TSHR: variants seen among roughly 807,000 people sequenced by gnomAD.
TSHR encodes thyrotropin receptor.
Under a neutral mutation model 64.1 loss-of-function variants are expected in TSHR, and 51 were observed. The ratio of observed to expected loss-of-function variants is 0.80; its 90% CI spans 0.64 to 1.01. The LOEUF is 1.01. TSHR is among the 50% of genes least tolerant of loss of function. TSHR has a pLI of 0.00. For synonymous variants in TSHR, 361 were observed against 361.9 expected, an observed-to-expected ratio of 1.00 and a Z score of 0.03; for missense variants, 877 against 942.8, an observed-to-expected ratio of 0.93 and a Z score of 0.91.
chr14:81,091,188 C>G, intron 5 of TSHR, 45 bp downstream of exon 5: 4 of 1,500,686 alleles, frequency 2.7e-6, no homozygotes, highest in Non-Finnish European at 3.7e-6. Context: ...TTGTTTGTCA[C>G]TGACAAGAAC....
chr14:80,965,642 G>C (rs1887260663), intron 1 of TSHR, among the ~76,000 whole-genome samples: 1 of 152,092 alleles, frequency 6.6e-6, no homozygotes, highest in African/African-American at 2.4e-5. Context: ...AATAGCATTT[G>C]AAAATTTTAA....
chr14:81,044,858 A>G (rs538792766), intron 1 of TSHR, among the ~76,000 whole-genome samples: 4 of 152,202 alleles, frequency 2.6e-5, no homozygotes, highest in Admixed American at 6.5e-5. Context: ...TCAACAATGT[A>G]GAGGCAGAAA....
intron 1 of TSHR, among the ~76,000 whole-genome samples, chr14:80,974,569 A>G (rs993237965): frequency 2.6e-5 from 4 of 152,174 alleles, no homozygotes; most frequent in Non-Finnish European, 5.9e-5. Flanking sequence ...TGGAATCTAA[A>G]ACAACAAAGC....
At chr14:81,136,252 TA>T (rs1409241890) in intron 8 of TSHR, among the ~76,000 whole-genome samples, 2 of 152,188 alleles carry the variant, frequency 1.3e-5, no homozygotes, top group Non-Finnish European at 2.9e-5. Flanking sequence ...TGAAAAAGAA[TA>T]AAAGTGGACA....
chr14:80,977,781 G>A (rs1470145492), intron 1 of TSHR, among the ~76,000 whole-genome samples: 3 of 152,198 alleles, frequency 2.0e-5, no homozygotes, highest in Non-Finnish European at 2.9e-5. Context: ...ATACATGGGC[G>A]AAGCAATCTT....
intron 9 of TSHR, among the ~76,000 whole-genome samples, chr14:81,140,923 C>A (rs757190137): frequency 6.6e-6 from 1 of 152,132 alleles, no homozygotes; most frequent in African/African-American, 2.4e-5. Flanking sequence ...AGTTCGAGAC[C>A]GGCCAGGCCA....
In TSHR at chr14:81,145,337, T is replaced by C; in HGVS notation, c.*984T>C. ...CTAAGTAAGTAGAATCTGTTTTTCC[T>C]ATTTTGTAGGGCTGCTGACTCCTAG... On this transcript the variant is annotated 3_prime_UTR_variant, in exon 10 of 10. Coordinates refer to ENST00000298171, the MANE Select transcript of TSHR (RefSeq NM_000369.5). 4.3e-6 allele frequency: 1 copy of C among 233,220 alleles called. No homozygotes were observed. The highest frequency in any genetic ancestry group is 8.5e-6 in the Non-Finnish European group (1 of 118,018). The allele number at this position is 233,220 out of a possible 1,614,324, so 14.4% of individuals were successfully genotyped here. A position where few individuals can be genotyped will look rare whatever the true frequency, so the allele number is the denominator to read the frequency against.
rs116607842 is a variant in TSHR, at chr14:81,060,206, C to T, written c.171-1942C>T. 2.1e-3 allele frequency among the ~76,000 whole-genome samples: 321 copies of T among 152,246 alleles called. 3 individuals are homozygous for T. Among genetic ancestry groups the T allele is most frequent in the African/African-American group, 7.5e-3 (311 of 41,572 alleles). On this transcript the variant is annotated intron_variant, in intron 1 of 9. Transcript: ENST00000298171. ...GTATGCCCACAAAATGTTTGCCTTA[C>T]GACAGCTCTATGAGTAAGACTATCT... is the stretch of plus-strand genomic sequence containing the variant.
At chr14:81,133,057 T>A (rs72627198) in intron 8 of TSHR, among the ~76,000 whole-genome samples, 9,335 of 152,236 alleles carry the variant, frequency 0.061, 736 homozygotes, top group East Asian at 0.24. Flanking sequence ...AACTCCAGAA[T>A]TGGGAGACTA....
chr14:81,057,255 A>G (rs928780095), intron 1 of TSHR, among the ~76,000 whole-genome samples: 1 of 152,106 alleles, frequency 6.6e-6, no homozygotes, highest in Non-Finnish European at 1.5e-5. Context: ...TACTGAAAAA[A>G]CAAAAATTAG....
intron 1 of TSHR, among the ~76,000 whole-genome samples, chr14:81,042,406 T>C (rs1884965418): frequency 6.6e-6 from 1 of 151,946 alleles, no homozygotes; most frequent in Non-Finnish European, 1.5e-5. Context: ...CATCAAGAGA[T>C]GAATAAAGAA....
Position 81,144,228 on chromosome 14 carries a change from G to T in TSHR, c.2170G>T (p.Val724Phe), listed in dbSNP as rs765569628. 10 of 1,613,388 alleles carry T rather than the reference G, an allele frequency of 6.2e-6. No homozygotes were observed. The highest frequency in any genetic ancestry group is 1.6e-4 in the Middle Eastern group (1 of 6,062). The change falls in exon 10 of 10, where the codon GTT (valine) becomes TTT (phenylalanine). Residue 724 changes from valine to phenylalanine, a missense_variant. Val to Phe is a conservative substitution (Grantham distance 50, BLOSUM62 -1). Coordinates refer to ENST00000298171, the MANE Select transcript of TSHR (RefSeq NM_000369.5). ...CAGCACTGATATTCAGGTTCAAAAG[G>T]TTACCCACGAGATGAGGCAGGGTCT... ...KNSTDIQVQKVTHEMRQGLHN... is the reference protein window; with the variant it reads ...KNSTDIQVQKFTHEMRQGLHN...
chr14:80,959,150 C>G (rs1886879705), intron 1 of TSHR, among the ~76,000 whole-genome samples: 1 of 152,052 alleles, frequency 6.6e-6, no homozygotes, highest in Non-Finnish European at 1.5e-5. Flanking sequence ...GATGCTGTAT[C>G]TTTTCCTCAC....
intron 1 of TSHR, among the ~76,000 whole-genome samples, chr14:80,983,808 G>A (rs1229003656): frequency 6.6e-6 from 1 of 152,090 alleles, no homozygotes; most frequent in East Asian, 1.9e-4. Context: ...CTATTTTGGG[G>A]GTATCAGATG....
intron 7 of TSHR, chr14:81,107,117 C>T (rs760094542): frequency 6.6e-6 from 1 of 152,104 alleles, no homozygotes; most frequent in Non-Finnish European, 1.5e-5. Flanking sequence ...CTTCCTCCCA[C>T]GGTTTCAACG....
At chr14:81,065,651 T>C (rs1886557798) in intron 2 of TSHR, among the ~76,000 whole-genome samples, 1 of 152,144 alleles carries the variant, frequency 6.6e-6, no homozygotes, top group African/African-American at 2.4e-5. Context: ...CCCATTTACC[T>C]TGTACATTAA....
intron 1 of TSHR, chr14:80,991,626 G>A (rs1341359905): frequency 2.5e-6 from 1 of 398,436 alleles, no homozygotes; most frequent in African/African-American, 2.1e-5. Flanking sequence ...CAGTCAAGAG[G>A]AAAGAAAGAG....
At chr14:80,960,114 G>T (rs1886940127) in intron 1 of TSHR, among the ~76,000 whole-genome samples, 1 of 152,190 alleles carries the variant, frequency 6.6e-6, no homozygotes, top group African/African-American at 2.4e-5. Flanking sequence ...TAACAATCTG[G>T]CACGGTGTCC....
intron 1 of TSHR, chr14:80,995,515 A>G (rs1190765650): frequency 6.6e-6 from 1 of 152,200 alleles, no homozygotes; most frequent in Admixed American, 6.5e-5. Flanking sequence ...GAATGAGATC[A>G]TGTTCTTTGC....
Sources: allele counts gnomAD v4.1 joint callset (sites outside exome capture counted in the v4.1 genomes callset), GRCh38; gene constraint gnomAD v4.1.1; transcripts MANE v1.5; gene names NCBI Gene and HGNC (gene_info 2026-07-23, HGNC 2026-07-21).